Variants in GPC6 observed in about 807,000 individuals in gnomAD.
The protein encoded by GPC6 is glypican-6.
Under a neutral mutation model 55.2 loss-of-function variants are expected in GPC6, and 14 were observed. That is an observed-to-expected ratio of 0.25 (90% confidence interval 0.17 to 0.40). GPC6 has a LOEUF of 0.40. Among genes scored for constraint, GPC6 ranks in the 10% least tolerant of loss-of-function variants. GPC6 has a pLI of 1.00. For synonymous variants in GPC6, 278 were observed against 259.6 expected, an observed-to-expected ratio of 1.07 and a Z score of -0.68; for missense variants, 641 against 708.5, an observed-to-expected ratio of 0.90 and a Z score of 1.08.
intron 3 of GPC6, among the ~76,000 whole-genome samples, chr13:93,912,547 T>C (rs911529478): frequency 2.0e-5 from 3 of 152,040 alleles, no homozygotes; most frequent in East Asian, 3.9e-4. Context: ...ATCGAGACCA[T>C]CCTGGCTAAC....
chr13:93,439,376 G>C (rs146533646), intron 1 of GPC6, among the ~76,000 whole-genome samples: 1 of 152,084 alleles, frequency 6.6e-6, no homozygotes, highest in Non-Finnish European at 1.5e-5. Context: ...CTCATGTGCT[G>C]TTCTCATGAT....
intron 3 of GPC6, among the ~76,000 whole-genome samples, chr13:94,009,056 A>G (rs1378606023): frequency 6.6e-6 from 1 of 152,182 alleles, no homozygotes; most frequent in Admixed American, 6.5e-5. Context: ...TATCATTACA[A>G]TTATTATTGA....
chr13:94,058,384 T>C (rs1884204746), intron 4 of GPC6, among the ~76,000 whole-genome samples: 1 of 152,206 alleles, frequency 6.6e-6, no homozygotes, highest in East Asian at 1.9e-4. Context: ...ATTCGTGCAT[T>C]CATGCATTCA....
At chr13:93,758,475 A>G (rs1280539730) in intron 2 of GPC6, among the ~76,000 whole-genome samples, 1 of 152,156 alleles carries the variant, frequency 6.6e-6, no homozygotes, top group Non-Finnish European at 1.5e-5. Context: ...ATGGAGATAC[A>G]GATTTGATTT....
intron 1 of GPC6, among the ~76,000 whole-genome samples, chr13:93,394,102 C>T (rs1236240030): frequency 2.6e-5 from 4 of 152,190 alleles, no homozygotes; most frequent in African/African-American, 9.7e-5. Context: ...ATTGCTCCTG[C>T]AAGGATCCTT....
chr13:94,146,382 T>A (rs1489488402), intron 4 of GPC6, among the ~76,000 whole-genome samples: 1 of 152,154 alleles, frequency 6.6e-6, no homozygotes, highest in Non-Finnish European at 1.5e-5. Context: ...GTCTCACCAA[T>A]CAAGTATTTA....
chr13:93,902,405 A>G (rs980877999), intron 3 of GPC6, among the ~76,000 whole-genome samples: 2 of 152,180 alleles, frequency 1.3e-5, no homozygotes, highest in Admixed American at 6.5e-5. Flanking sequence ...TAATGGCTGA[A>G]TGGTATCTCA....
chr13:93,551,769 C>G (rs926218983), intron 2 of GPC6, among the ~76,000 whole-genome samples: 1 of 152,096 alleles, frequency 6.6e-6, no homozygotes, highest in African/African-American at 2.4e-5. Flanking sequence ...CAATGTTTTA[C>G]TAATCACATT....
At position 94,244,251 on chromosome 13, in the gene GPC6, A is replaced by G. The variant is rs183788112; in HGVS notation, c.878-42098A>G. On this transcript the variant is annotated intron_variant, in intron 4 of 8. Coordinates refer to ENST00000377047, the MANE Select transcript of GPC6 (RefSeq NM_005708.5). ...AACCGCATTTGATCATTTTGGGGCC[A>G]GCACGTAACTCCGCAAAGCTTAATT... is the stretch of plus-strand genomic sequence containing the variant. Among the ~76,000 whole-genome samples the G allele has an allele frequency of 3.9e-5, 6 of 152,296 alleles. No individual in the cohort carries two copies. In the East Asian group the frequency reaches 1.2e-3, roughly 29 times the overall value.
intron 2 of GPC6, among the ~76,000 whole-genome samples, chr13:93,808,986 T>A (rs578218680): frequency 6.6e-6 from 1 of 152,254 alleles, no homozygotes; most frequent in South Asian, 2.1e-4. Flanking sequence ...GAAGGGTGGT[T>A]GAATTCTACA....
chr13:94,272,778 T>G (rs767109026), intron 4 of GPC6, among the ~76,000 whole-genome samples: 2 of 151,998 alleles, frequency 1.3e-5, no homozygotes, highest in Non-Finnish European at 2.9e-5. Context: ...CTGGTCCTGT[T>G]TCTTGATGAT....
At chr13:93,270,796 A>G (rs1354433226) in intron 1 of GPC6, among the ~76,000 whole-genome samples, 1 of 152,092 alleles carries the variant, frequency 6.6e-6, no homozygotes. Flanking sequence ...TACAGAGTCA[A>G]CAACAACACT....
intron 2 of GPC6, among the ~76,000 whole-genome samples, chr13:93,699,582 T>TA (rs1400001113): frequency 6.6e-6 from 1 of 152,146 alleles, no homozygotes; most frequent in Non-Finnish European, 1.5e-5. Flanking sequence ...ATATAGGGAA[T>TA]ATACGTTGTT....
chr13:93,479,609 C>CCG (rs746049435), intron 1 of GPC6, among the ~76,000 whole-genome samples: 5 of 18,684 alleles, frequency 2.7e-4, no homozygotes, highest in African/African-American at 8.2e-4. Flanking sequence ...CGTGGTGAGA[C>CCG]CCCCCCCCAT....
chr13:94,327,844 T>G (rs1162338623), intron 6 of GPC6, among the ~76,000 whole-genome samples: 1 of 152,194 alleles, frequency 6.6e-6, no homozygotes, highest in Non-Finnish European at 1.5e-5. Flanking sequence ...TTAAACAGCT[T>G]CAGTGCCTCC....
intron 3 of GPC6, among the ~76,000 whole-genome samples, chr13:93,935,751 A>G (rs1432023897): frequency 6.6e-6 from 1 of 152,200 alleles, no homozygotes; most frequent in Non-Finnish European, 1.5e-5. Flanking sequence ...GCCAACATAT[A>G]TAAGAAGAAT....
At chr13:94,126,482 A>G (rs1886818531) in intron 4 of GPC6, among the ~76,000 whole-genome samples, 1 of 152,204 alleles carries the variant, frequency 6.6e-6, no homozygotes, top group Admixed American at 6.5e-5. Flanking sequence ...AAAAGTGAAT[A>G]TGAAAGTGGC....
At chr13:93,920,120 T>G (rs146656640) in intron 3 of GPC6, among the ~76,000 whole-genome samples, 3,678 of 152,290 alleles carry the variant, frequency 0.024, 59 homozygotes, top group Middle Eastern at 0.051. Context: ...TTTGTCCTCC[T>G]TGACCCTTCC....
intron 4 of GPC6, among the ~76,000 whole-genome samples, chr13:94,143,489 T>C (rs534398575): frequency 6.6e-6 from 1 of 152,358 alleles, no homozygotes; most frequent in South Asian, 2.1e-4. Flanking sequence ...CTCTTTAGAA[T>C]CATGACATTC....
Sources: allele counts gnomAD v4.1 joint callset (sites outside exome capture counted in the v4.1 genomes callset), GRCh38; gene constraint gnomAD v4.1.1; transcripts MANE v1.5; gene names NCBI Gene and HGNC (gene_info 2026-07-23, HGNC 2026-07-21).